Variants in EPS15L1 observed in about 807,000 individuals in gnomAD.
EPS15L1 encodes epidermal growth factor receptor pathway substrate 15 like 1.
Under a neutral mutation model 117.1 loss-of-function variants are expected in EPS15L1, and 43 were observed. The observed-to-expected ratio is 0.37, with a 90% CI of 0.29 to 0.47. EPS15L1 has a LOEUF of 0.47. Among genes scored for constraint, EPS15L1 ranks in the 20% least tolerant of loss-of-function variants. The pLI is 0.99. For missense variants in EPS15L1, 981 were observed against 1,164.0 expected, an observed-to-expected ratio of 0.84 and a Z score of 2.29; for synonymous variants, 459 against 470.5, an observed-to-expected ratio of 0.98 and a Z score of 0.32.
At chr19:16,417,171 G>A (rs113779505) in intron 12 of EPS15L1, among the ~76,000 whole-genome samples, 12,199 of 152,034 alleles carry the variant, frequency 0.08, 560 homozygotes, top group Non-Finnish European at 0.11. Flanking sequence ...CAACACAGCT[G>A]CCACAGGCTG....
chr19:16,437,216 T>C (rs910148099), intron 5 of EPS15L1, among the ~76,000 whole-genome samples: 1 of 152,236 alleles, frequency 6.6e-6, no homozygotes, highest in Admixed American at 6.5e-5. Flanking sequence ...TGTACATGAA[T>C]GCTGGTAGCA....
chr19:16,396,106 T>A (rs926904813), intron 16 of EPS15L1, among the ~76,000 whole-genome samples: 23 of 149,294 alleles, frequency 1.5e-4, no homozygotes, highest in Middle Eastern at 3.4e-3. Flanking sequence ...CCTGTATCTT[T>A]AAAAAAAAAA....
intron 1 of EPS15L1, among the ~76,000 whole-genome samples, chr19:16,466,373 T>C (rs1378890800): frequency 6.6e-6 from 1 of 152,156 alleles, no homozygotes; most frequent in Non-Finnish European, 1.5e-5. Flanking sequence ...AGACCTTTCC[T>C]GACCTCCATC....
At chr19:16,388,652 C>G (rs2092446550) in intron 19 of EPS15L1, among the ~76,000 whole-genome samples, 3 of 151,860 alleles carry the variant, frequency 2.0e-5, no homozygotes, top group Non-Finnish European at 4.4e-5. Context: ...ATGGTCAAAC[C>G]CCGTCTCTAC....
At position 16,365,930 on chromosome 19, in the gene EPS15L1, G is replaced by A. The variant is rs1181529034; in HGVS notation, c.2381-3946C>T. Among the ~76,000 whole-genome samples, 2 of 152,208 alleles carry A rather than the reference G, an allele frequency of 1.3e-5. No homozygotes were observed. The highest frequency in any genetic ancestry group is 2.9e-5 in the Non-Finnish European group (2 of 68,026). On this transcript the variant is annotated intron_variant, in intron 22 of 23. Transcript: ENST00000455140. The surrounding 1 kb of genome is among the most constrained non-coding windows in gnomAD (Gnocchi z 4.9). ...GGTGCCACCTGTTACAGATTCCACG[G>A]GTCTCCAGGGACCTGGGGCCCTTTG...
At chr19:16,385,769 C>T (rs982115227) in intron 20 of EPS15L1, among the ~76,000 whole-genome samples, 4 of 152,178 alleles carry the variant, frequency 2.6e-5, no homozygotes, top group African/African-American at 9.7e-5. Context: ...CGTGCATCTG[C>T]GAGTTCTACA....
intron 19 of EPS15L1, among the ~76,000 whole-genome samples, chr19:16,390,504 C>T (rs1340899174): frequency 6.6e-6 from 1 of 152,256 alleles, no homozygotes; most frequent in Middle Eastern, 3.4e-3. Context: ...GGAACCTCAA[C>T]CTCACTGCCA....
At chr19:16,368,420 C>G (rs2092170280) in intron 22 of EPS15L1, among the ~76,000 whole-genome samples, 1 of 152,242 alleles carries the variant, frequency 6.6e-6, no homozygotes, top group South Asian at 2.1e-4. Flanking sequence ...GACACTCACA[C>G]AACTCCCATT....
Position 16,425,262 on chromosome 19 carries a change from G to T in EPS15L1, c.613C>A (p.Pro205Thr). Residue 205 changes from proline to threonine, a missense_variant, in exon 9 of 24, where the codon CCC becomes ACC. By Grantham distance (38) the Pro-to-Thr change is conservative. Around this residue, in one of 5 missense-constraint regions of EPS15L1, gnomAD observed 819 missense variants for 949.0 expected, o/e 0.86. Transcript: ENST00000455140. The part of the protein sequence containing the change: ...LEKEPVPSAL[P>T]PSLIPPSKRK... ...TTGGAGGGTGGGATGAGGGACGGGG[G>T]CAGGGCGGAGGGCACGGGCTCCTTC... 6.7e-7 allele frequency: 1 copy of T among 1,493,742 alleles called. No homozygotes were observed. Among genetic ancestry groups the T allele is most frequent in the Non-Finnish European group, 9.3e-7 (1 of 1,073,942 alleles). 92.5% of individuals were successfully genotyped at this position (1,493,742 alleles called of 1,614,324 possible). A position where few individuals can be genotyped will look rare whatever the true frequency, so the allele number is the denominator to read the frequency against.
At chr19:16,465,114 A>G (rs1350756341) in intron 1 of EPS15L1, among the ~76,000 whole-genome samples, 3 of 151,796 alleles carry the variant, frequency 2.0e-5, no homozygotes, top group Non-Finnish European at 4.4e-5. Context: ...AAACCTCATA[A>G]TGTTTTAGGA....
chr19:16,470,937 G>A (rs2145224496), intron 1 of EPS15L1, among the ~76,000 whole-genome samples: 1 of 152,232 alleles, frequency 6.6e-6, no homozygotes, highest in Middle Eastern at 3.4e-3. Context: ...ATTTTCCAAA[G>A]GAAGCAACTG....
chr19:16,378,993 A>G (rs2092329909), intron 21 of EPS15L1, among the ~76,000 whole-genome samples: 1 of 152,348 alleles, frequency 6.6e-6, no homozygotes, highest in East Asian at 1.9e-4. Flanking sequence ...AATGGGCAGA[A>G]ATAGGGGTAA....
intron 9 of EPS15L1, among the ~76,000 whole-genome samples, chr19:16,424,628 T>C (rs1033370543): frequency 6.6e-5 from 10 of 151,690 alleles, no homozygotes; most frequent in African/African-American, 1.7e-4. Flanking sequence ...CTGAGTAACA[T>C]AGGGGAGACC....
Position 16,405,101 on chromosome 19 carries a change from G to A in EPS15L1, c.1267-352C>T, listed in dbSNP as rs2092643189. Among the ~76,000 whole-genome samples the A allele has an allele frequency of 6.6e-6, 1 of 152,252 alleles. No homozygotes were observed. The highest frequency in any genetic ancestry group is 6.5e-5 in the Admixed American group (1 of 15,292). On this transcript the variant is annotated intron_variant, in intron 13 of 23. Coordinates refer to ENST00000455140, the MANE Select transcript of EPS15L1 (RefSeq NM_001258374.3). This position sits in a 1 kb window ranked among gnomAD's most constrained non-coding sequence, Gnocchi z 4.0. ...CCCAAACGCAAATAAACGTGGACAA[G>A]TGGCACCAAGGGGGTCACAGGGAAA... is the stretch of plus-strand genomic sequence containing the variant.
At chr19:16,420,216 G>T (rs1296981177) in intron 10 of EPS15L1, among the ~76,000 whole-genome samples, 2 of 152,202 alleles carry the variant, frequency 1.3e-5, no homozygotes, top group Non-Finnish European at 2.9e-5. Context: ...TGACCTCTGA[G>T]TTCCTTCTTT....
intron 6 of EPS15L1, 41 bp downstream of exon 6, chr19:16,436,896 C>G: frequency 1.3e-6 from 2 of 1,496,232 alleles, no homozygotes; most frequent in Non-Finnish European, 1.9e-6. Flanking sequence ...ACAATTCTAT[C>G]TGAAGGAGAG....
At chr19:16,394,775 C>T (rs1255865531) in intron 17 of EPS15L1, among the ~76,000 whole-genome samples, 2 of 152,220 alleles carry the variant, frequency 1.3e-5, no homozygotes, top group East Asian at 3.9e-4. Flanking sequence ...AATTTATTAA[C>T]CTGCTGAGGG....
At chr19:16,425,038 C>G (rs1380288368) in intron 9 of EPS15L1, 45 bp downstream of exon 9, 4 of 1,474,850 alleles carry the variant, frequency 2.7e-6, no homozygotes, top group Non-Finnish European at 3.8e-6. Context: ...GAGAAACATC[C>G]TACTGTGCTC....
At chr19:16,464,849 C>T (rs977738854) in intron 1 of EPS15L1, among the ~76,000 whole-genome samples, 7 of 152,076 alleles carry the variant, frequency 4.6e-5, no homozygotes, top group South Asian at 2.1e-4. Context: ...TTTGGGAGGC[C>T]AAGGCGGGCA....
Sources: gnomAD v4.1 joint callset for allele counts (sites outside exome capture counted in the v4.1 genomes callset) on GRCh38, gnomAD v4.1.1 for gene constraint, gnomAD v4.1.1 regional missense constraint, Gnocchi (gnomAD v3.1) non-coding constraint, MANE v1.5 for transcripts, NCBI Gene and HGNC (gene_info 2026-07-23, HGNC 2026-07-21) for gene names.